The following LRBA variants were observed in gnomAD, a reference collection of about 807,000 sequenced individuals.
The protein encoded by LRBA is LPS responsive beige-like anchor protein, also known as lipopolysaccharide-responsive and beige-like anchor protein.
A neutral mutation model predicts 330.0 loss-of-function variants in LRBA; 176 were observed. That is an observed-to-expected ratio of 0.53 (90% CI 0.47 to 0.60). The LOEUF is 0.60. LRBA is among the 20% of genes least tolerant of loss of function. The pLI, the probability that LRBA is intolerant of heterozygous loss-of-function variation, is 0.00. For synonymous variants in LRBA, 1,230 were observed against 1,193.0 expected (o/e 1.03, Z -0.64); for missense variants, 3,259 against 3,444.8 (o/e 0.95, Z 1.35).
At chr4:150,517,341 G>T (rs6854612) in intron 40 of LRBA, among the ~76,000 whole-genome samples, 1 of 151,942 alleles carries the variant, frequency 6.6e-6, no homozygotes, top group East Asian at 1.9e-4. Flanking sequence ...AGGCAACACA[G>T]GGACTCTGTC....
intron 44 of LRBA, among the ~76,000 whole-genome samples, chr4:150,438,466 TGGAG>T (rs1561178395): frequency 6.6e-6 from 1 of 152,104 alleles, no homozygotes; most frequent in African/African-American, 2.4e-5. Context: ...GCCTTGGTGA[TGGAG>T]AGAGTCCCTG....
At chr4:150,407,125 G>A (rs1746311946) in intron 47 of LRBA, among the ~76,000 whole-genome samples, 1 of 152,104 alleles carries the variant, frequency 6.6e-6, no homozygotes, top group Non-Finnish European at 1.5e-5. Context: ...CTGATTATGA[G>A]GGAGGACCCT....
intron 35 of LRBA, among the ~76,000 whole-genome samples, chr4:150,756,570 C>CA (rs1734343714): frequency 6.6e-6 from 1 of 152,028 alleles, no homozygotes; most frequent in African/African-American, 2.4e-5. Flanking sequence ...ATATATCTTT[C>CA]AATTCAATTC....
chr4:150,559,877 AT>A (rs1768025437), intron 40 of LRBA, among the ~76,000 whole-genome samples: 1 of 18,914 alleles, frequency 5.3e-5, no homozygotes, highest in Non-Finnish European at 1.2e-4. Flanking sequence ...ATATATAATT[AT>A]ATATAATTAT....
chr4:150,819,220 A>T (rs1745064381), intron 30 of LRBA, among the ~76,000 whole-genome samples: 1 of 151,808 alleles, frequency 6.6e-6, no homozygotes, highest in Non-Finnish European at 1.5e-5. Flanking sequence ...TGTCTAGAAC[A>T]GACAAAACTA....
At chr4:150,689,113 G>A (rs1000882128) in intron 36 of LRBA, among the ~76,000 whole-genome samples, 3 of 152,164 alleles carry the variant, frequency 2.0e-5, no homozygotes, top group Non-Finnish European at 4.4e-5. Context: ...TATACTCCAC[G>A]GAATACTGTG....
At chr4:150,908,078 A>G (rs1184893991) in intron 11 of LRBA, among the ~76,000 whole-genome samples, 2 of 152,200 alleles carry the variant, frequency 1.3e-5, no homozygotes, top group Non-Finnish European at 2.9e-5. Context: ...TTTATTTTTG[A>G]GTAACCCATT....
At chr4:150,374,552 G>A (rs534044728) in intron 47 of LRBA, among the ~76,000 whole-genome samples, 1 of 152,238 alleles carries the variant, frequency 6.6e-6, no homozygotes, top group East Asian at 1.9e-4. Flanking sequence ...GATACTGCAG[G>A]TTGGGCATAC....
intron 46 of LRBA, among the ~76,000 whole-genome samples, chr4:150,431,587 T>C (rs572523132): frequency 4.1e-4 from 62 of 152,320 alleles, no homozygotes; most frequent in African/African-American, 1.5e-3. Context: ...ATCTAATAAT[T>C]TTATATTGAT....
chr4:150,951,144 A>G (rs1262487088), intron 2 of LRBA, among the ~76,000 whole-genome samples: 2 of 152,180 alleles, frequency 1.3e-5, no homozygotes, highest in Non-Finnish European at 2.9e-5. Flanking sequence ...GCTTCATTCA[A>G]TGATGTAGCC....
At chr4:150,733,897 C>T (rs182084680) in intron 36 of LRBA, among the ~76,000 whole-genome samples, 77 of 152,168 alleles carry the variant, frequency 5.1e-4, no homozygotes, top group African/African-American at 1.7e-3. Context: ...CCAGGTACAC[C>T]TCAGGACACA....
intron 6 of LRBA, 35 bp from the exon 7 acceptor site, chr4:150,916,562 T>G (rs1732613509): frequency 6.2e-7 from 1 of 1,608,588 alleles, no homozygotes; most frequent in African/African-American, 1.3e-5. Flanking sequence ...CCTCTAAATA[T>G]TCTTCTCAGT....
chr4:150,433,749 A>G (rs1750738520), intron 46 of LRBA, among the ~76,000 whole-genome samples: 1 of 152,156 alleles, frequency 6.6e-6, no homozygotes, highest in Non-Finnish European at 1.5e-5. Context: ...ATTTAACAAA[A>G]TTATTATATC....
chr4:150,960,282 G>C (rs1393728616), intron 2 of LRBA, among the ~76,000 whole-genome samples: 30 of 148,700 alleles, frequency 2.0e-4, no homozygotes, highest in Admixed American at 2.0e-3. Context: ...GCACCACCTA[G>C]AGTCTAGCCA....
At position 150,321,042 on chromosome 4, in the gene LRBA, CT is replaced by C; in HGVS notation, c.7630+148del. ...TTTGTACTATATGCCTCACGTGGGC[CT>C]TTTTTAAGCCTTTCAAACTATTAAA... On this transcript the variant is annotated intron_variant, in intron 50 of 56. Coordinates refer to ENST00000651943, the MANE Select transcript of LRBA (RefSeq NM_001364905.1). This position sits in a 1 kb window ranked among gnomAD's most constrained non-coding sequence, Gnocchi z 4.5. 17 of 706,734 alleles carry C rather than the reference CT, an allele frequency of 2.4e-5. No homozygotes were observed. The highest frequency in any genetic ancestry group is 7.6e-5 in the Admixed American group (2 of 26,434). The allele number at this position is 706,734 out of a possible 1,614,324, so 43.8% of individuals were successfully genotyped here.
chr4:150,528,277 A>G (rs1763678716), intron 40 of LRBA, among the ~76,000 whole-genome samples: 1 of 152,130 alleles, frequency 6.6e-6, no homozygotes, highest in South Asian at 2.1e-4. Flanking sequence ...AGGCAGGTGG[A>G]TCACGAGGTC....
At chr4:150,632,855 A>C (rs2126677119) in intron 37 of LRBA, among the ~76,000 whole-genome samples, 1 of 152,124 alleles carries the variant, frequency 6.6e-6, no homozygotes, top group Non-Finnish European at 1.5e-5. Flanking sequence ...GCCTGTTTAT[A>C]TTTTTCCCCC....
At chr4:150,274,580 C>A (rs1746519083) in intron 56 of LRBA, among the ~76,000 whole-genome samples, 1 of 152,038 alleles carries the variant, frequency 6.6e-6, no homozygotes, top group Admixed American at 6.6e-5. Context: ...AGAGAAGAAT[C>A]AAATATACAC....
At chr4:150,551,659 C>A (rs780960417) in intron 40 of LRBA, among the ~76,000 whole-genome samples, 11 of 149,708 alleles carry the variant, frequency 7.3e-5, no homozygotes, top group East Asian at 4.0e-4. Flanking sequence ...CAGAGCAAGA[C>A]CCTGTCTCAA....
Sources: allele counts gnomAD v4.1 joint callset (sites outside exome capture counted in the v4.1 genomes callset), GRCh38; gene constraint gnomAD v4.1.1; non-coding constraint Gnocchi (gnomAD v3.1); transcripts MANE v1.5; gene names NCBI Gene and HGNC (gene_info 2026-07-23, HGNC 2026-07-21).